The following ATP2B1 variants were observed in gnomAD, a reference collection of about 807,000 sequenced individuals.
ATP2B1 encodes the protein ATPase plasma membrane Ca2+ transporting 1.
A neutral mutation model predicts 124.2 loss-of-function variants in ATP2B1; 14 were observed. That is an observed-to-expected ratio of 0.11 (90% confidence interval 0.07 to 0.18). The LOEUF is 0.18. ATP2B1 is among the 10% of genes least tolerant of loss of function. The probability of loss-of-function intolerance (pLI) is 1.00; values close to 1 mark genes in which losing one functional copy is unlikely to be tolerated. For synonymous variants in ATP2B1, 449 were observed against 492.4 expected, an observed-to-expected ratio of 0.91 and a Z score of 1.17; for missense variants, 763 against 1,466.1, an observed-to-expected ratio of 0.52 and a Z score of 7.83.
At chr12:89,611,508 T>C (rs1878015603) in intron 12 of ATP2B1, 136 bp from the exon 13 acceptor site, 1 of 656,226 alleles carries the variant, frequency 1.5e-6, no homozygotes, top group South Asian at 5.0e-5. Context: ...TAATGATTGA[T>C]TTCATTTCCA....
In ATP2B1 at chr12:89,610,678, T is replaced by A. The variant is rs138784403; in HGVS notation, c.2248-170A>T. ...CTTGGGCATGGACCCAGATCTATCT[T>A]AGCGAATACTGTGGGGCAGGCCCAG... On this transcript the variant is annotated intron_variant, in intron 13 of 20. Coordinates refer to ENST00000428670, the MANE Select transcript of ATP2B1 (RefSeq NM_001366521.1). The A allele has an allele frequency of 5.2e-4, 307 of 590,222 alleles. 1 individual carries two copies. The highest frequency in any genetic ancestry group is 4.7e-3 in the African/African-American group (251 of 53,208). The allele number at this position is 590,222 out of a possible 1,614,324, so 36.6% of individuals were successfully genotyped here.
At position 89,624,297 on chromosome 12, in the gene ATP2B1, T is replaced by G. The variant is rs759011022; in HGVS notation, c.1230A>C (p.Pro410=). Residue 410 remains proline, a synonymous_variant, in exon 9 of 21, where the codon CCA becomes CCC. Transcript: ENST00000428670. ...ACTTCACAAAGTATTGTATATAAAT[T>G]GGTGTGCACTCAGCAAGCCATGGTC... ...QKRPWLAECT[P]IYIQYFVKFF... The G allele has an allele frequency of 6.2e-7, 1 of 1,614,176 alleles. No individual in the cohort carries two copies. The highest frequency in any genetic ancestry group is 1.7e-5 in the Admixed American group (1 of 60,030).
intron 1 of ATP2B1, among the ~76,000 whole-genome samples, chr12:89,690,865 G>A (rs925511922): frequency 6.6e-6 from 1 of 152,020 alleles, no homozygotes. Context: ...AAGGAGAACT[G>A]GATTTAAATC....
At chr12:89,643,787 T>G (rs1490415091) in intron 2 of ATP2B1, among the ~76,000 whole-genome samples, 1 of 152,202 alleles carries the variant, frequency 6.6e-6, no homozygotes. Context: ...TTTTTCCTTG[T>G]CTGTTTAAGA....
chr12:89,661,758 G>GT (rs144517426), intron 1 of ATP2B1, among the ~76,000 whole-genome samples: 3 of 152,058 alleles, frequency 2.0e-5, no homozygotes, highest in Non-Finnish European at 2.9e-5. Context: ...CTTTGTGTGT[G>GT]TTTTTTTCTG....
At chr12:89,632,286 T>C (rs889752203) in intron 5 of ATP2B1, among the ~76,000 whole-genome samples, 1 of 152,194 alleles carries the variant, frequency 6.6e-6, no homozygotes, top group African/African-American at 2.4e-5. Flanking sequence ...TCATAAAATA[T>C]ATGTACTTAC....
At chr12:89,677,513 C>G (rs1396718464) in intron 1 of ATP2B1, among the ~76,000 whole-genome samples, 1 of 152,136 alleles carries the variant, frequency 6.6e-6, no homozygotes, top group Non-Finnish European at 1.5e-5. Context: ...TTATGATTTA[C>G]TCATTTTACA....
chr12:89,677,759 C>G (rs1480922936), intron 1 of ATP2B1, among the ~76,000 whole-genome samples: 1 of 151,726 alleles, frequency 6.6e-6, no homozygotes, highest in Non-Finnish European at 1.5e-5. Flanking sequence ...AGAATTCCAC[C>G]AGTAGTAGAA....
chr12:89,709,306 C>CCACCGCCGCCGAAGCTCG (rs910532313), upstream of ATP2B1: 1 of 152,388 alleles, frequency 6.6e-6, no homozygotes, highest in Non-Finnish European at 1.5e-5. Flanking sequence ...GCCACAGCCG[C>CCACCGCCGCCGAAGCTCG]CACCGCCGCC....
intron 11 of ATP2B1, among the ~76,000 whole-genome samples, chr12:89,618,735 C>G (rs1314421489): frequency 6.6e-6 from 1 of 152,170 alleles, no homozygotes; most frequent in Non-Finnish European, 1.5e-5. Flanking sequence ...ATACCAAAAT[C>G]TATCTTAAAT....
Position 89,620,389 on chromosome 12 carries a change from T to C in ATP2B1, c.1588-149A>G, listed in dbSNP as rs1351100540. The stretch of plus-strand genomic sequence containing the variant: ...TAAAGAAGGATATAGAAAAGTAAGG[T>C]AGAAAGGAGCCTGGGGTGAGAATGA... On this transcript the variant is annotated intron_variant, in intron 10 of 20. Transcript: ENST00000428670. 4.9e-6 allele frequency: 5 copies of C among 1,021,448 alleles called. No individual in the cohort carries two copies. In the East Asian group the frequency reaches 1.0e-4, roughly 21 times the overall value. The allele number at this position is 1,021,448 out of a possible 1,614,324, so 63.3% of individuals were successfully genotyped here. A position where few individuals can be genotyped will look rare whatever the true frequency, so the allele number is the denominator to read the frequency against.
chr12:89,619,917 GACA>G (rs1285724261), intron 11 of ATP2B1, 79 bp downstream of exon 11: 3 of 1,515,650 alleles, frequency 2.0e-6, no homozygotes, highest in Non-Finnish European at 2.7e-6. Flanking sequence ...TTCACAAAAA[GACA>G]ACAACAATAA....
At chr12:89,598,530 A>G in intron 20 of ATP2B1, 2 of 1,487,276 alleles carry the variant, frequency 1.3e-6, no homozygotes, top group South Asian at 2.7e-5. Flanking sequence ...AGAAAATGAG[A>G]AACGTTAGGT....
chr12:89,697,893 C>T (rs865790710), intron 1 of ATP2B1, among the ~76,000 whole-genome samples: 4 of 152,050 alleles, frequency 2.6e-5, no homozygotes, highest in Admixed American at 6.6e-5. Flanking sequence ...CCCCACCTGC[C>T]GAGATGGAGT....
At position 89,616,139 on chromosome 12, in the gene ATP2B1, C is replaced by T. The variant is rs1031875275; in HGVS notation, c.2067+663G>A. Among the ~76,000 whole-genome samples, 43 of 152,062 alleles carry T rather than the reference C, an allele frequency of 2.8e-4. 2 individuals are homozygous for T. The highest frequency in any genetic ancestry group is 6.6e-5 in the Admixed American group (1 of 15,248). On this transcript the variant is annotated intron_variant, in intron 12 of 20. Coordinates refer to ENST00000428670, the MANE Select transcript of ATP2B1 (RefSeq NM_001366521.1). ...TGGTTCGTCCCACATAAGACAGTAACTTCTTTGAGGCCGGTGATCAGATCT... is the reference window on the plus strand; with the variant it reads ...TGGTTCGTCCCACATAAGACAGTAATTTCTTTGAGGCCGGTGATCAGATCT...
At chr12:89,600,307 T>C (rs1279185590) in intron 19 of ATP2B1, among the ~76,000 whole-genome samples, 1 of 152,230 alleles carries the variant, frequency 6.6e-6, no homozygotes, top group Non-Finnish European at 1.5e-5. Context: ...ATGCAAATTA[T>C]ATGCCATAAT....
At chr12:89,622,370 A>G (rs1880139815) in intron 9 of ATP2B1, among the ~76,000 whole-genome samples, 1 of 151,992 alleles carries the variant, frequency 6.6e-6, no homozygotes, top group Admixed American at 6.6e-5. Context: ...TAGCTATTCT[A>G]TATGCTGGCA....
intron 20 of ATP2B1, chr12:89,595,015 C>CT (rs1446939727): frequency 2.0e-5 from 3 of 151,998 alleles, no homozygotes; most frequent in Admixed American, 6.6e-5. Flanking sequence ...TGGGTACTTG[C>CT]ATATTAAATT....
At chr12:89,656,137 A>T in intron 1 of ATP2B1, 30 bp from the exon 2 acceptor site, 1 of 431,692 alleles carries the variant, frequency 2.3e-6, no homozygotes, top group Non-Finnish European at 4.1e-6. Flanking sequence ...AAAAGTTAAT[A>T]AAATCTATCT....
Sources: gnomAD v4.1 joint callset for allele counts (sites outside exome capture counted in the v4.1 genomes callset) on GRCh38, gnomAD v4.1.1 for gene constraint, MANE v1.5 for transcripts, NCBI Gene and HGNC (gene_info 2026-07-23, HGNC 2026-07-21) for gene names.